The following NDUFA5 variants were observed in gnomAD, a reference collection of about 807,000 sequenced individuals.
NDUFA5 encodes the protein NADH dehydrogenase [ubiquinone] 1 alpha subcomplex subunit 5.
Under a neutral mutation model 19.8 loss-of-function variants are expected in NDUFA5, and 11 were observed. The observed-to-expected ratio is 0.56, with a 90% CI of 0.35 to 0.92. The LOEUF (loss-of-function observed/expected upper bound fraction) is 0.92, where lower values mean the gene tolerates loss of function less well. NDUFA5 is among the 40% of genes least tolerant of loss of function. The pLI is 0.01. For missense variants in NDUFA5, 109 were observed against 134.2 expected, an observed-to-expected ratio of 0.81 and a Z score of 0.93; for synonymous variants, 47 against 46.8, an observed-to-expected ratio of 1.00 and a Z score of -0.01.
the NDUFA5 span, among the ~76,000 whole-genome samples, chr7:123,577,028 G>C: frequency 6.6e-6 from 1 of 152,034 alleles, no homozygotes; most frequent in Non-Finnish European, 1.5e-5. Flanking sequence ...TTTTAATATG[G>C]AAATTATTCT....
At chr7:123,571,229 A>G in the NDUFA5 span, among the ~76,000 whole-genome samples, 4 of 152,232 alleles carry the variant, frequency 2.6e-5, no homozygotes, top group Non-Finnish European at 4.4e-5. Flanking sequence ...GGAGCACTTT[A>G]TCAAACCTGT....
the NDUFA5 span, among the ~76,000 whole-genome samples, chr7:123,583,091 T>C: frequency 1.3e-5 from 2 of 151,922 alleles, no homozygotes; most frequent in Non-Finnish European, 2.9e-5. Flanking sequence ...TGAGAGAACA[T>C]AAAATGATAA....
chr7:123,597,952 G>GTT, the NDUFA5 span, among the ~76,000 whole-genome samples: 5 of 151,690 alleles, frequency 3.3e-5, no homozygotes, highest in African/African-American at 4.8e-5. Flanking sequence ...GTGTGTGTGT[G>GTT]TGTGTGTGTC....
At chr7:123,576,918 G>A in the NDUFA5 span, among the ~76,000 whole-genome samples, 1 of 151,950 alleles carries the variant, frequency 6.6e-6, no homozygotes, top group Non-Finnish European at 1.5e-5. Flanking sequence ...TATTCTTCTT[G>A]TCATTCTCCG....
chr7:123,576,030 T>G, the NDUFA5 span, among the ~76,000 whole-genome samples: 22 of 151,462 alleles, frequency 1.5e-4, no homozygotes, highest in Non-Finnish European at 3.1e-4. Context: ...ACTATAAATT[T>G]GTTGGATTTT....
intron 2 of NDUFA5, chr7:123,555,927 A>C (rs1798521292): frequency 1.3e-5 from 2 of 152,370 alleles, no homozygotes; most frequent in Admixed American, 6.5e-5. Context: ...GGCTGGAAAA[A>C]AAGACCAAAT....
intron 3 of NDUFA5, among the ~76,000 whole-genome samples, chr7:123,548,934 T>C (rs551712698): frequency 5.9e-5 from 9 of 151,792 alleles, no homozygotes; most frequent in Non-Finnish European, 1.0e-4. Flanking sequence ...ATGGAAAATA[T>C]TCAAAAAAAC....
At chr7:123,545,802 TA>T (rs1161780206) in intron 3 of NDUFA5, 126 bp from the exon 4 acceptor site, 8 of 630,454 alleles carry the variant, frequency 1.3e-5, no homozygotes, top group African/African-American at 5.6e-5. Context: ...ATACTCTTTT[TA>T]CTAAATATTT....
chr7:123,546,539 C>T, intron 3 of NDUFA5: 1 of 534,822 alleles, frequency 1.9e-6, no homozygotes. Context: ...TTCTAGTAAA[C>T]TGAGCTTTTT....
At chr7:123,588,290 T>C in the NDUFA5 span, among the ~76,000 whole-genome samples, 1 of 151,802 alleles carries the variant, frequency 6.6e-6, no homozygotes, top group East Asian at 1.9e-4. Flanking sequence ...TGTCTATTCT[T>C]CTAGGTTATA....
At chr7:123,559,453 C>A (rs1368028528), upstream of NDUFA5, among the ~76,000 whole-genome samples, 1 of 152,124 alleles carries the variant, frequency 6.6e-6, no homozygotes, top group Non-Finnish European at 1.5e-5. Context: ...ACAACTAATT[C>A]TATAAGGCAA....
the NDUFA5 span, among the ~76,000 whole-genome samples, chr7:123,586,585 T>A: frequency 6.6e-6 from 1 of 151,884 alleles, no homozygotes; most frequent in African/African-American, 2.4e-5. Context: ...TATTTTTGCT[T>A]TTATTGCCTG....
At chr7:123,577,974 T>C in the NDUFA5 span, among the ~76,000 whole-genome samples, 8 of 151,786 alleles carry the variant, frequency 5.3e-5, no homozygotes, top group African/African-American at 1.9e-4. Context: ...ACACGTGCCA[T>C]GGTGATTTGC....
chr7:123,588,733 G>T, the NDUFA5 span, among the ~76,000 whole-genome samples: 1 of 150,244 alleles, frequency 6.7e-6, no homozygotes, highest in Non-Finnish European at 1.5e-5. Flanking sequence ...TTTTAGAATT[G>T]CTTTTGCTAC....
At chr7:123,588,680 T>A in the NDUFA5 span, among the ~76,000 whole-genome samples, 1 of 149,292 alleles carries the variant, frequency 6.7e-6, no homozygotes, top group Non-Finnish European at 1.5e-5. Flanking sequence ...TTATTTGGGA[T>A]TTTTTTTTTC....
chr7:123,558,224 TG>T (rs1798634039), upstream of NDUFA5: 1 of 213,214 alleles, frequency 4.7e-6, no homozygotes, highest in Non-Finnish European at 9.6e-6. Flanking sequence ...TCCTCTGAAT[TG>T]ATCTCTCAAC....
At chr7:123,558,115 C>T, upstream of NDUFA5, 2 of 494,384 alleles carry the variant, frequency 4.0e-6, no homozygotes, top group East Asian at 3.6e-5. Flanking sequence ...CAAAAAACTC[C>T]AGTCGCTGTA....
intron 3 of NDUFA5, among the ~76,000 whole-genome samples, chr7:123,547,067 A>G (rs1798159506): frequency 6.6e-6 from 1 of 152,200 alleles, no homozygotes; most frequent in Non-Finnish European, 1.5e-5. Context: ...TGAGACCACA[A>G]GCCAATAAAT....
chr7:123,586,209 G>A, the NDUFA5 span, among the ~76,000 whole-genome samples: 3 of 151,790 alleles, frequency 2.0e-5, no homozygotes, highest in Admixed American at 6.6e-5. Context: ...TGTACAAGAC[G>A]TTTTATTTCT....
Sources: gnomAD v4.1 joint callset for allele counts (sites outside exome capture counted in the v4.1 genomes callset) on GRCh38, gnomAD v4.1.1 for gene constraint, MANE v1.5 for transcripts, NCBI Gene and HGNC (gene_info 2026-07-23, HGNC 2026-07-21) for gene names.